Variants in SHLD2 observed in about 807,000 individuals in gnomAD.
The protein encoded by SHLD2 is RINN1-REV7-interacting novel NHEJ regulator 2.
In SHLD2, 30 loss-of-function variants were observed where a neutral mutation model predicts 73.2. The observed-to-expected ratio is 0.41, with a 90% confidence interval of 0.31 to 0.56. The LOEUF is 0.56. Ranked by LOEUF, SHLD2 falls within the 20% of genes least tolerant of loss-of-function variation. The pLI is 0.28. For synonymous variants in SHLD2, 285 were observed against 370.1 expected (o/e 0.77, Z 2.64); for missense variants, 745 against 1,055.9 (o/e 0.71, Z 4.08).
At chr10:87,099,797 T>C (rs1016741819) in intron 2 of SHLD2, among the ~76,000 whole-genome samples, 1 of 152,232 alleles carries the variant, frequency 6.6e-6, no homozygotes, top group Non-Finnish European at 1.5e-5. Flanking sequence ...CAACACTTGT[T>C]ATGTGTGTTT....
intron 2 of SHLD2, among the ~76,000 whole-genome samples, chr10:87,126,201 C>T (rs1161451582): frequency 1.3e-5 from 2 of 152,108 alleles, no homozygotes; most frequent in African/African-American, 4.8e-5. Flanking sequence ...AACCCAGCCT[C>T]CCAAGTAGTT....
intron 2 of SHLD2, among the ~76,000 whole-genome samples, chr10:87,120,965 G>A (rs1453831059): frequency 6.6e-6 from 1 of 152,056 alleles, no homozygotes; most frequent in African/African-American, 2.4e-5. Context: ...CAGGAGAATT[G>A]CTTGAACCCG....
At chr10:87,099,986 T>G (rs1407503632) in intron 2 of SHLD2, among the ~76,000 whole-genome samples, 1 of 151,564 alleles carries the variant, frequency 6.6e-6, no homozygotes, top group Non-Finnish European at 1.5e-5. Flanking sequence ...TTTGTAAGAG[T>G]TTTTTTTTAA....
chr10:87,182,687 C>T (rs1402124826), intron 8 of SHLD2, among the ~76,000 whole-genome samples: 1 of 152,060 alleles, frequency 6.6e-6, no homozygotes, highest in African/African-American at 2.4e-5. Flanking sequence ...AATTAAGGCT[C>T]CTATTTAGGC....
intron 2 of SHLD2, among the ~76,000 whole-genome samples, chr10:87,110,329 G>A (rs780125558): frequency 1.6e-4 from 25 of 151,772 alleles, no homozygotes; most frequent in Non-Finnish European, 3.2e-4. Flanking sequence ...TTCTCTTTTG[G>A]CCAGGCACAA....
chr10:87,155,713 A>T (rs971869521), intron 3 of SHLD2, among the ~76,000 whole-genome samples: 1 of 151,780 alleles, frequency 6.6e-6, no homozygotes, highest in Non-Finnish European at 1.5e-5. Flanking sequence ...GTAGGTGTAA[A>T]CTCAACTCTG....
upstream of SHLD2, chr10:87,094,599 C>T: frequency 1.4e-5 from 23 of 1,610,976 alleles, no homozygotes; most frequent in Non-Finnish European, 1.9e-5. This position sits in a 1 kb window ranked among gnomAD's most constrained non-coding sequence, Gnocchi z 6.6. Context: ...CGCGGTCGGC[C>T]ACCGCCTCGC....
intron 2 of SHLD2, among the ~76,000 whole-genome samples, chr10:87,124,962 C>CT (rs1209870462): frequency 1.3e-5 from 2 of 152,004 alleles, no homozygotes; most frequent in Non-Finnish European, 2.9e-5. Context: ...AGGCTGGTCT[C>CT]TAACTCCTGG....
intron 2 of SHLD2, among the ~76,000 whole-genome samples, chr10:87,100,336 A>G (rs1842183128): frequency 6.6e-6 from 1 of 152,186 alleles, no homozygotes; most frequent in African/African-American, 2.4e-5. Context: ...CATTTGCTCA[A>G]AAGACTATTT....
chr10:87,150,061 ATTT>A (rs569408745), intron 2 of SHLD2, among the ~76,000 whole-genome samples: 12 of 114,962 alleles, frequency 1.0e-4, no homozygotes, highest in Admixed American at 9.1e-5. Context: ...AAAATGAGTA[ATTT>A]TTTTTTTTTT....
At chr10:87,183,112 G>C (rs1422204821) in intron 8 of SHLD2, among the ~76,000 whole-genome samples, 1 of 152,234 alleles carries the variant, frequency 6.6e-6, no homozygotes, top group African/African-American at 2.4e-5. Flanking sequence ...CTTGACTAGA[G>C]AGGAAGTGGT....
chr10:87,163,164 T>C (rs191736873), intron 4 of SHLD2, among the ~76,000 whole-genome samples: 155 of 152,080 alleles, frequency 1.0e-3, no homozygotes, highest in African/African-American at 3.3e-3. Flanking sequence ...TGAACTGATA[T>C]GGAGTGATTC....
intron 2 of SHLD2, among the ~76,000 whole-genome samples, chr10:87,124,890 G>C (rs533638684): frequency 6.6e-6 from 1 of 152,014 alleles, no homozygotes; most frequent in African/African-American, 2.4e-5. Context: ...AACTACAGGT[G>C]CATGCCACTA....
chr10:87,106,796 AGG>A (rs1339863694), intron 2 of SHLD2, among the ~76,000 whole-genome samples: 1 of 152,228 alleles, frequency 6.6e-6, no homozygotes, highest in East Asian at 1.9e-4. Flanking sequence ...TTAAAATAAG[AGG>A]GCTAAACTGG....
At chr10:87,143,490 C>T (rs1230144896) in intron 2 of SHLD2, among the ~76,000 whole-genome samples, 1 of 152,204 alleles carries the variant, frequency 6.6e-6, no homozygotes, top group African/African-American at 2.4e-5. Flanking sequence ...TGTCTTACCT[C>T]ATTTGAGTCT....
rs150170356 is a variant in SHLD2, at chr10:87,102,306, C to G, written c.-6+5317C>G. Among the ~76,000 whole-genome samples the G allele has an allele frequency of 3.7e-3, 564 of 152,094 alleles. 4 individuals are homozygous for G. The highest frequency in any genetic ancestry group is 0.013 in the African/African-American group (532 of 41,480). The stretch of plus-strand genomic sequence containing the variant: ...GCTTAGAAAGAATTTAATAATCATG[C>G]TAATTTTGTTTTGTTTTCTTTTTTT... On this transcript the variant is annotated intron_variant, in intron 2 of 9. Coordinates refer to ENST00000298786, the MANE Select transcript of SHLD2 (RefSeq NM_001330112.2).
chr10:87,111,976 G>T (rs867085130), intron 2 of SHLD2, among the ~76,000 whole-genome samples: 5 of 151,636 alleles, frequency 3.3e-5, no homozygotes, highest in Non-Finnish European at 2.9e-5. Flanking sequence ...GGTAGCTCAC[G>T]CCTGTAATCC....
chr10:87,114,107 AC>A (rs1428033470), intron 2 of SHLD2: 1 of 152,174 alleles, frequency 6.6e-6, no homozygotes, highest in Non-Finnish European at 1.5e-5. Flanking sequence ...AACCCAGTTA[AC>A]TTCTGTGTCT....
At chr10:87,125,431 TTAACTTA>T (rs1005864977) in intron 2 of SHLD2, among the ~76,000 whole-genome samples, 44 of 152,324 alleles carry the variant, frequency 2.9e-4, no homozygotes, top group African/African-American at 1.0e-3. Context: ...TTCTGTAATT[TTAACTTA>T]TAATTCTCAG....
Sources: allele counts gnomAD v4.1 joint callset (sites outside exome capture counted in the v4.1 genomes callset), GRCh38; gene constraint gnomAD v4.1.1; non-coding constraint Gnocchi (gnomAD v3.1); transcripts MANE v1.5; gene names NCBI Gene and HGNC (gene_info 2026-07-23, HGNC 2026-07-21).